The following MAGI2 variants were observed in gnomAD, a reference collection of about 807,000 sequenced individuals.
MAGI2 encodes the protein membrane-associated guanylate kinase, WW and PDZ domain-containing protein 2.
In MAGI2, 35 loss-of-function variants were observed where a neutral mutation model predicts 133.3. The observed-to-expected ratio is 0.26, with a 90% CI of 0.20 to 0.35. The LOEUF is 0.35. MAGI2 is among the 10% of genes least tolerant of loss of function. The probability of loss-of-function intolerance (pLI) is 1.00; values close to 1 mark genes in which losing one functional copy is unlikely to be tolerated. For synonymous variants in MAGI2, 729 were observed against 710.6 expected (o/e 1.03, Z -0.41); for missense variants, 1,636 against 1,863.4 (o/e 0.88, Z 2.25).
intron 1 of MAGI2, among the ~76,000 whole-genome samples, chr7:79,078,134 A>T (rs1420816740): frequency 2.6e-5 from 4 of 152,310 alleles, no homozygotes; most frequent in Middle Eastern, 3.4e-3. Context: ...ATTCAACTTT[A>T]CTTGCCCAAA....
chr7:78,521,374 T>G, intron 4 of MAGI2, 56 bp downstream of exon 4: 1 of 1,266,294 alleles, frequency 7.9e-7, no homozygotes, highest in Non-Finnish European at 1.2e-6. Flanking sequence ...TGTACATATA[T>G]ATCTTAGATC....
chr7:78,753,334 T>A (rs974102049), intron 2 of MAGI2, among the ~76,000 whole-genome samples: 31 of 151,642 alleles, frequency 2.0e-4, no homozygotes, highest in African/African-American at 6.8e-4. Flanking sequence ...GAAAAAAAAA[T>A]TTGCTAGCTG....
At chr7:78,860,223 C>T (rs1190621530) in intron 2 of MAGI2, among the ~76,000 whole-genome samples, 1 of 152,308 alleles carries the variant, frequency 6.6e-6, no homozygotes, top group East Asian at 1.9e-4. Flanking sequence ...TATTACCGAT[C>T]ATCTGAAGCC....
intron 6 of MAGI2, among the ~76,000 whole-genome samples, chr7:78,416,143 T>C (rs941678812): frequency 3.9e-5 from 6 of 152,118 alleles, no homozygotes; most frequent in African/African-American, 1.4e-4. Flanking sequence ...GCTGACAAGG[T>C]ATAACATGGT....
intron 6 of MAGI2, chr7:78,487,174 GAAA>G (rs35515187): frequency 0.054 from 9,293 of 173,626 alleles, 321 homozygotes; most frequent in African/African-American, 0.13. Flanking sequence ...GCAGGATGGG[GAAA>G]AAAAAAAAAA....
At chr7:79,328,687 C>G (rs972983139) in intron 1 of MAGI2, among the ~76,000 whole-genome samples, 2 of 152,074 alleles carry the variant, frequency 1.3e-5, no homozygotes, top group Non-Finnish European at 2.9e-5. Flanking sequence ...GTAATGCAAA[C>G]AGCAGCCTAG....
chr7:78,201,124 GTAGAAA>G, intron 11 of MAGI2, 32 bp downstream of exon 11: 1 of 1,380,468 alleles, frequency 7.2e-7, no homozygotes, highest in South Asian at 1.4e-5. Context: ...GCAATAGTAA[GTAGAAA>G]TAAAGAAAGA....
intron 6 of MAGI2, among the ~76,000 whole-genome samples, chr7:78,430,927 A>T (rs1038954705): frequency 2.6e-5 from 4 of 152,132 alleles, no homozygotes; most frequent in Non-Finnish European, 4.4e-5. Flanking sequence ...TCCTGAGAGA[A>T]AGTTCCATCA....
At chr7:78,501,962 C>G (rs898621391) in intron 4 of MAGI2, among the ~76,000 whole-genome samples, 175 bp from the exon 5 acceptor site, 1 of 152,112 alleles carries the variant, frequency 6.6e-6, no homozygotes, top group South Asian at 2.1e-4. Context: ...TCCTTTCACT[C>G]GTCATTGTCA....
chr7:79,145,412 T>C (rs1822524948), intron 1 of MAGI2, among the ~76,000 whole-genome samples: 1 of 152,148 alleles, frequency 6.6e-6, no homozygotes, highest in South Asian at 2.1e-4. Flanking sequence ...TGATTTGGTC[T>C]CAATAGAGGA....
intron 1 of MAGI2, among the ~76,000 whole-genome samples, chr7:79,391,532 T>TAGAC (rs1477603685): frequency 0.012 from 738 of 62,762 alleles, 17 homozygotes; most frequent in East Asian, 0.056. Context: ...TATATATATA[T>TAGAC]ATATAGACAT....
Position 79,322,515 on chromosome 7 carries a change from GA to G in MAGI2, c.301+130504del, listed in dbSNP as rs372556363. Among the ~76,000 whole-genome samples, 1,087 of 147,090 alleles carry G rather than the reference GA, an allele frequency of 7.4e-3. 7 individuals are homozygous for G. The highest frequency in any genetic ancestry group is 0.025 in the African/African-American group (993 of 40,346). The stretch of plus-strand genomic sequence containing the variant: ...TGTCTCATCAGATTGCCACAATAAT[GA>G]AAAAAAAAAATTAGGGCTTAGCACT... On this transcript the variant is annotated intron_variant, in intron 1 of 21. Coordinates refer to ENST00000354212, the MANE Select transcript of MAGI2 (RefSeq NM_012301.4).
intron 1 of MAGI2, among the ~76,000 whole-genome samples, chr7:79,236,768 T>C (rs1375034968): frequency 6.6e-6 from 1 of 152,252 alleles, no homozygotes; most frequent in Non-Finnish European, 1.5e-5. Context: ...ACTTAAAACT[T>C]ATTGCTAACA....
intron 10 of MAGI2, among the ~76,000 whole-genome samples, chr7:78,203,450 G>A (rs774361435): frequency 1.2e-4 from 18 of 152,186 alleles, no homozygotes; most frequent in South Asian, 2.1e-4. Context: ...GAGAGGGGGC[G>A]TTTAATTTGA....
intron 7 of MAGI2, among the ~76,000 whole-genome samples, chr7:78,356,161 T>C (rs867337713): frequency 6.6e-6 from 1 of 152,182 alleles, no homozygotes; most frequent in South Asian, 2.1e-4. Flanking sequence ...CTGGCAATTA[T>C]GATAATGATA....
chr7:79,057,109 C>A (rs1813217600), intron 1 of MAGI2, among the ~76,000 whole-genome samples: 2 of 152,146 alleles, frequency 1.3e-5, no homozygotes. Flanking sequence ...GCTCACAGAA[C>A]ATCTTGTAAA....
At chr7:78,484,659 T>A (rs1792783164) in intron 6 of MAGI2, 1 of 144,948 alleles carries the variant, frequency 6.9e-6, no homozygotes, top group Non-Finnish European at 1.5e-5. Context: ...AATTCAAAGT[T>A]GTTAAGGTAG....
intron 7 of MAGI2, among the ~76,000 whole-genome samples, chr7:78,354,667 A>G (rs1263407868): frequency 6.6e-6 from 1 of 152,240 alleles, no homozygotes; most frequent in East Asian, 1.9e-4. Context: ...ATTCTTGACT[A>G]CTGAGTCTTT....
chr7:78,619,048 C>G (rs976482059), intron 3 of MAGI2: 8 of 137,138 alleles, frequency 5.8e-5, no homozygotes, highest in African/African-American at 2.1e-4. Context: ...CAAATGTTCT[C>G]ATCATGAAGA....
Sources: gnomAD v4.1 joint callset for allele counts (sites outside exome capture counted in the v4.1 genomes callset) on GRCh38, gnomAD v4.1.1 for gene constraint, MANE v1.5 for transcripts, NCBI Gene and HGNC (gene_info 2026-07-23, HGNC 2026-07-21) for gene names.